The following ENOX2 variants were observed in gnomAD, a reference collection of about 807,000 sequenced individuals.
The protein encoded by ENOX2 is ecto-NOX disulfide-thiol exchanger 2.
In ENOX2, 36 loss-of-function variants were observed where a neutral mutation model predicts 45.0. The observed-to-expected ratio is 0.80, with a 90% CI of 0.61 to 1.06. The LOEUF (loss-of-function observed/expected upper bound fraction) is 1.06, where lower values mean the gene tolerates loss of function less well. ENOX2 is among the 50% of genes least tolerant of loss of function. The pLI is 0.00. For synonymous variants in ENOX2, 174 were observed against 152.3 expected (o/e 1.14, Z -1.05); for missense variants, 423 against 462.5 (o/e 0.91, Z 0.78).
At chrX:130,645,057 T>C (rs148030096) in intron 10 of ENOX2, among the ~76,000 whole-genome samples, 146 of 111,796 alleles carry the variant, frequency 1.3e-3, no homozygotes, top group African/African-American at 4.5e-3. Flanking sequence ...CGTACAATTT[T>C]GCTGTGAATG....
rs987538742 is a variant in ENOX2 at position 130,846,042 on chromosome X, A to G, written c.-183+55642T>C. ...ATCTCACTTATAAATACACAAATAT[A>G]TCATTATATTTTCATATAGTATAAC... On this transcript the variant is annotated intron_variant, in intron 2 of 14. Coordinates refer to ENST00000394363, the MANE Select transcript of ENOX2 (RefSeq NM_006375.4). Among the ~76,000 whole-genome samples, 3 of 111,715 alleles carry G rather than the reference A, an allele frequency of 2.7e-5. No homozygotes were observed. The Admixed American group carries it at 2.9e-4, about 11-fold the overall frequency.
At chrX:130,662,558 T>A (rs1247388290) in intron 9 of ENOX2, among the ~76,000 whole-genome samples, 1 of 111,816 alleles carries the variant, frequency 8.9e-6, no homozygotes, top group Non-Finnish European at 1.9e-5. Context: ...TTTTGAGATG[T>A]TCTGATTTTC....
At chrX:130,633,975 G>A (rs1055558788) in intron 12 of ENOX2, among the ~76,000 whole-genome samples, 8 of 112,283 alleles carry the variant, frequency 7.1e-5, no homozygotes, top group Non-Finnish European at 3.8e-5. Flanking sequence ...TGAAGTGGAA[G>A]AATTAAAAGC....
intron 3 of ENOX2, among the ~76,000 whole-genome samples, chrX:130,714,158 G>A (rs1217768559): frequency 8.9e-6 from 1 of 111,771 alleles, no homozygotes; most frequent in East Asian, 2.8e-4. Context: ...TCCACAAGCC[G>A]TTTTGCTGCA....
chrX:130,708,224 T>C (rs1248219355), intron 3 of ENOX2, among the ~76,000 whole-genome samples: 3 of 112,179 alleles, frequency 2.7e-5, no homozygotes, highest in Non-Finnish European at 3.8e-5. Flanking sequence ...GCATGTCTTC[T>C]GGCTCATATT....
intron 2 of ENOX2, among the ~76,000 whole-genome samples, chrX:130,801,061 G>A (rs774099140): frequency 8.9e-6 from 1 of 112,407 alleles, no homozygotes; most frequent in South Asian, 3.7e-4. Context: ...GCAACTTTGA[G>A]GAATCTTTCA....
At chrX:130,897,832 T>C (rs1298014739) in intron 2 of ENOX2, among the ~76,000 whole-genome samples, 1 of 111,225 alleles carries the variant, frequency 9.0e-6, no homozygotes, top group Non-Finnish European at 1.9e-5. Context: ...AGAGACCAGA[T>C]GGTTTTAGAT....
chrX:130,628,579 GAAA>G (rs2035611253), intron 13 of ENOX2, among the ~76,000 whole-genome samples: 1 of 112,752 alleles, frequency 8.9e-6, no homozygotes, highest in Non-Finnish European at 1.9e-5. Context: ...CCTCTCACAA[GAAA>G]GTCTGCTGAT....
chrX:130,830,261 T>G (rs760988705), intron 2 of ENOX2, among the ~76,000 whole-genome samples: 1 of 111,842 alleles, frequency 8.9e-6, no homozygotes, highest in African/African-American at 3.2e-5. Context: ...ATTTAAAGCA[T>G]TCATGATCAC....
At chrX:130,646,328 G>A (rs1465499795) in intron 10 of ENOX2, 1 of 287,527 alleles carries the variant, frequency 3.5e-6, no homozygotes, top group Non-Finnish European at 6.3e-6. Flanking sequence ...TTCCCTGCAT[G>A]ACAGGCCAGT....
chrX:130,798,968 G>A (rs1192126724), intron 2 of ENOX2, among the ~76,000 whole-genome samples: 1 of 112,462 alleles, frequency 8.9e-6, no homozygotes, highest in Non-Finnish European at 1.9e-5. Flanking sequence ...TATAAAAAAT[G>A]CAAAGGCACA....
intron 5 of ENOX2, among the ~76,000 whole-genome samples, 184 bp downstream of exon 5, chrX:130,688,679 T>C (rs2037510263): frequency 8.9e-6 from 1 of 112,081 alleles, no homozygotes; most frequent in Non-Finnish European, 1.9e-5. Flanking sequence ...CACACAAAAG[T>C]CTACTGTTGT....
Position 130,799,612 on chromosome X carries a change from G to A in ENOX2, c.-182-15922C>T, listed in dbSNP as rs965410673. Among the ~76,000 whole-genome samples, 6 of 111,984 alleles carry A rather than the reference G, an allele frequency of 5.4e-5. 1 individual carries two copies. Among genetic ancestry groups the A allele is most frequent in the Middle Eastern group, 8.5e-3 (2 of 236 alleles). On this transcript the variant is annotated intron_variant, in intron 2 of 14. Coordinates refer to ENST00000394363, the MANE Select transcript of ENOX2 (RefSeq NM_006375.4). ...TTCCATCAACTCATAGGGTAACCTTGGGTGAGTAATTCTTTGTCAGTTTCC... is the reference window on the plus strand; with the variant it reads ...TTCCATCAACTCATAGGGTAACCTTAGGTGAGTAATTCTTTGTCAGTTTCC...
chrX:130,889,966 G>A (rs768798031), intron 2 of ENOX2, among the ~76,000 whole-genome samples: 2 of 112,887 alleles, frequency 1.8e-5, no homozygotes, highest in African/African-American at 6.4e-5. Flanking sequence ...GTTCAGCAAA[G>A]GAGGCTTGCC....
At chrX:130,791,268 C>T (rs922292604) in intron 2 of ENOX2, among the ~76,000 whole-genome samples, 8 of 111,477 alleles carry the variant, frequency 7.2e-5, no homozygotes, top group African/African-American at 2.6e-4. Flanking sequence ...TTACCCCACT[C>T]CCACTTAGTG....
chrX:130,651,036 G>C (rs190519418), intron 10 of ENOX2, among the ~76,000 whole-genome samples: 1 of 111,900 alleles, frequency 8.9e-6, no homozygotes, highest in Middle Eastern at 4.6e-3. Flanking sequence ...TTCTCTCAAG[G>C]CTAATAAGAA....
chrX:130,642,752 G>C (rs5975211), intron 10 of ENOX2, among the ~76,000 whole-genome samples: 234 of 112,242 alleles, frequency 2.1e-3, no homozygotes, highest in African/African-American at 7.3e-3. Context: ...ACAACTTGCT[G>C]AAGGCTCAGA....
intron 3 of ENOX2, among the ~76,000 whole-genome samples, chrX:130,709,637 C>CAA (rs60183563): frequency 1.2e-3 from 35 of 30,041 alleles, no homozygotes; most frequent in African/African-American, 2.8e-3. Context: ...GACTCTGTCT[C>CAA]AAAAAAAAAA....
chrX:130,733,354 T>C (rs1474397165), intron 3 of ENOX2, among the ~76,000 whole-genome samples: 1 of 110,511 alleles, frequency 9.0e-6, no homozygotes, highest in Non-Finnish European at 1.9e-5. Flanking sequence ...GAATGGCTTT[T>C]TTTTTTTTTT....
Sources: allele counts gnomAD v4.1 joint callset (sites outside exome capture counted in the v4.1 genomes callset), GRCh38; gene constraint gnomAD v4.1.1; transcripts MANE v1.5; gene names NCBI Gene and HGNC (gene_info 2026-07-23, HGNC 2026-07-21).